Variants in DCAF8L2 observed in about 807,000 individuals in gnomAD.
The protein encoded by DCAF8L2 is DDB1- and CUL4-associated factor 8-like protein 2.
For missense variants in DCAF8L2, 430 were observed against 490.7 expected, an observed-to-expected ratio of 0.88 and a Z score of 1.17; for synonymous variants, 200 against 190.9, an observed-to-expected ratio of 1.05 and a Z score of -0.39.
chrX:27,650,952 AT>A (rs1369808480), intron 2 of DCAF8L2, among the ~76,000 whole-genome samples: 1 of 111,069 alleles, frequency 9.0e-6, no homozygotes, highest in African/African-American at 3.3e-5. Context: ...GACTCATATT[AT>A]TTTGAGGTAT....
chrX:27,675,834 C>T (rs1165542297), intron 2 of DCAF8L2, among the ~76,000 whole-genome samples: 1 of 111,497 alleles, frequency 9.0e-6, no homozygotes, highest in East Asian at 2.8e-4. Flanking sequence ...TTCATGGGAT[C>T]ATAAGTTTGT....
chrX:27,685,171 G>T (rs980037814), intron 3 of DCAF8L2, among the ~76,000 whole-genome samples: 1 of 111,670 alleles, frequency 9.0e-6, no homozygotes, highest in Non-Finnish European at 1.9e-5. Context: ...AATAAATCAA[G>T]ACGAGTTTTT....
intron 2 of DCAF8L2, among the ~76,000 whole-genome samples, chrX:27,638,012 G>A (rs1266090692): frequency 9.0e-6 from 1 of 111,479 alleles, no homozygotes; most frequent in Non-Finnish European, 1.9e-5. Flanking sequence ...GAAAGGAGGA[G>A]GGAGCTATCA....
chrX:27,723,821 A>T (rs1006148206), intron 4 of DCAF8L2, among the ~76,000 whole-genome samples: 1 of 111,356 alleles, frequency 9.0e-6, no homozygotes, highest in Admixed American at 9.6e-5. Flanking sequence ...TGTGTATATC[A>T]ATGGGAAATT....
chrX:27,486,964 A>G, the DCAF8L2 span, among the ~76,000 whole-genome samples: 199 of 111,463 alleles, frequency 1.8e-3, 2 homozygotes, highest in Middle Eastern at 9.3e-3. Context: ...TTATATTGCC[A>G]TAAGTTTAGT....
At chrX:27,746,319 T>C (rs947127294) in intron 4 of DCAF8L2, among the ~76,000 whole-genome samples, 58 of 112,455 alleles carry the variant, frequency 5.2e-4, no homozygotes, top group African/African-American at 1.7e-3. Flanking sequence ...GGCAACCCTA[T>C]ATCGATTCTA....
chrX:27,526,246 A>C, the DCAF8L2 span, among the ~76,000 whole-genome samples: 2 of 110,988 alleles, frequency 1.8e-5, no homozygotes, highest in African/African-American at 6.6e-5. Flanking sequence ...TTTTTCTCTA[A>C]ACTTCTCTTC....
intron 1 of DCAF8L2, among the ~76,000 whole-genome samples, chrX:27,592,522 C>T (rs1315428791): frequency 3.7e-5 from 4 of 108,815 alleles, no homozygotes; most frequent in African/African-American, 1.0e-4. Context: ...CCGCAACCTC[C>T]GCCTCCTGGG....
At chrX:27,536,129 T>A in the DCAF8L2 span, among the ~76,000 whole-genome samples, 1 of 112,403 alleles carries the variant, frequency 8.9e-6, no homozygotes, top group Non-Finnish European at 1.9e-5. Flanking sequence ...TTACCTTCTA[T>A]AAAAATGTAC....
chrX:27,549,443 A>C, the DCAF8L2 span, among the ~76,000 whole-genome samples: 1 of 111,875 alleles, frequency 8.9e-6, no homozygotes, highest in African/African-American at 3.2e-5. Flanking sequence ...TTTCTCTAGG[A>C]AGTAAACTTT....
chrX:27,544,450 T>C, the DCAF8L2 span, among the ~76,000 whole-genome samples: 1 of 112,010 alleles, frequency 8.9e-6, no homozygotes, highest in African/African-American at 3.2e-5. Context: ...ATTAGATCTT[T>C]CAATTTATGT....
the DCAF8L2 span, among the ~76,000 whole-genome samples, chrX:27,528,033 AT>A: frequency 2.8e-4 from 28 of 101,040 alleles, no homozygotes; most frequent in Middle Eastern, 0.027. Context: ...ATTAAATTAA[AT>A]TTTTAATTTA....
At chrX:27,471,398 C>T in the DCAF8L2 span, among the ~76,000 whole-genome samples, 2 of 111,271 alleles carry the variant, frequency 1.8e-5, no homozygotes, top group Admixed American at 9.6e-5. Context: ...TTGCATACTA[C>T]TTTCTATAAA....
the DCAF8L2 span, among the ~76,000 whole-genome samples, chrX:27,522,150 C>T: frequency 8.9e-6 from 1 of 111,852 alleles, no homozygotes; most frequent in African/African-American, 3.2e-5. Context: ...GCCTCAACCT[C>T]CCGAGTAGTT....
chrX:27,540,501 T>C, the DCAF8L2 span, among the ~76,000 whole-genome samples: 2 of 111,491 alleles, frequency 1.8e-5, no homozygotes, highest in African/African-American at 3.3e-5. Flanking sequence ...TTCTCACTTA[T>C]GTAGAAGCTA....
chrX:27,743,582 G>C (rs1055398266), intron 4 of DCAF8L2, among the ~76,000 whole-genome samples: 1 of 109,238 alleles, frequency 9.2e-6, no homozygotes, highest in Admixed American at 9.8e-5. Flanking sequence ...TTTTAGTAGA[G>C]AGGGGGTTTT....
At chrX:27,728,819 T>C (rs1921022360) in intron 4 of DCAF8L2, among the ~76,000 whole-genome samples, 1 of 112,039 alleles carries the variant, frequency 8.9e-6, no homozygotes, top group African/African-American at 3.2e-5. Flanking sequence ...CATAACCCCA[T>C]CCAGTCATTC....
At chrX:27,508,983 A>T in the DCAF8L2 span, among the ~76,000 whole-genome samples, 1 of 111,020 alleles carries the variant, frequency 9.0e-6, no homozygotes, top group African/African-American at 3.3e-5. Context: ...GTTGCAAGTA[A>T]GATTGGACTA....
Position 27,725,462 on chromosome X carries a change from A to T in DCAF8L2, c.-59+9291A>T, listed in dbSNP as rs193016152. Among the ~76,000 whole-genome samples, 1,067 of 110,801 alleles carry T rather than the reference A, an allele frequency of 9.6e-3. 16 individuals carry two copies. The highest frequency in any genetic ancestry group is 0.033 in the African/African-American group (1,009 of 30,712). ...TTTTGTTTTTATCTGCCCCAAAAAG[A>T]TTTATTTGTGATAATGACAGATAAT... On this transcript the variant is annotated intron_variant, in intron 4 of 4. Transcript: ENST00000451261.
Sources: gnomAD v4.1 joint callset for allele counts (sites outside exome capture counted in the v4.1 genomes callset) on GRCh38, gnomAD v4.1.1 for gene constraint, MANE v1.5 for transcripts, NCBI Gene and HGNC (gene_info 2026-07-23, HGNC 2026-07-21) for gene names.